The following LRRN1 variants were observed in gnomAD, a reference collection of about 807,000 sequenced individuals.
LRRN1 encodes the protein leucine-rich repeat neuronal protein 1.
LRRN1 carries 14 observed loss-of-function variants against 45.8 expected under a neutral mutation model. The observed-to-expected ratio is 0.31, with a 90% CI of 0.20 to 0.48. The LOEUF is 0.48. LRRN1 is among the 20% of genes least tolerant of loss of function. The probability of loss-of-function intolerance (pLI) is 0.99; values close to 1 mark genes in which losing one functional copy is unlikely to be tolerated. For missense variants in LRRN1, 789 were observed against 874.2 expected, an observed-to-expected ratio of 0.90 and a Z score of 1.23; for synonymous variants, 359 against 330.1, an observed-to-expected ratio of 1.09 and a Z score of -0.95.
rs1693815479 is a variant in LRRN1, at chr3:3,848,143, A to G, written c.*1351A>G. 6.6e-6 allele frequency among the ~76,000 whole-genome samples: 1 copy of G among 152,244 alleles called. No homozygotes were observed. Among genetic ancestry groups the G allele is most frequent in the African/African-American group, 2.4e-5 (1 of 41,466 alleles). On this transcript the variant is annotated 3_prime_UTR_variant, in exon 2 of 2. Coordinates refer to ENST00000319331, the MANE Select transcript of LRRN1 (RefSeq NM_020873.7). ...TTATTTCTTTTTAACAGTTGTCTAT[A>G]TGCTTAGACCCGTGTTAGTCTCTAT...
At chr3:3,837,910 T>C (rs1693558694) in intron 1 of LRRN1, among the ~76,000 whole-genome samples, 1 of 152,034 alleles carries the variant, frequency 6.6e-6, no homozygotes, top group South Asian at 2.1e-4. Context: ...ACAAGCCCTG[T>C]GTGTGTCGTT....
intron 1 of LRRN1, among the ~76,000 whole-genome samples, chr3:3,811,349 G>T (rs1692868341): frequency 6.6e-6 from 1 of 152,076 alleles, no homozygotes; most frequent in Non-Finnish European, 1.5e-5. Context: ...TTTACATCCT[G>T]TAGTACCACC....
At chr3:3,838,663 A>G (rs867370111) in intron 1 of LRRN1, among the ~76,000 whole-genome samples, 1 of 152,248 alleles carries the variant, frequency 6.6e-6, no homozygotes, top group Middle Eastern at 3.4e-3. Context: ...AAGGGTTACA[A>G]TTTCTCTACA....
At chr3:3,830,765 G>T (rs1323974967) in intron 1 of LRRN1, among the ~76,000 whole-genome samples, 1 of 152,188 alleles carries the variant, frequency 6.6e-6, no homozygotes, top group Non-Finnish European at 1.5e-5. Context: ...ATGCTGCTGT[G>T]CATGACCCAC....
At chr3:3,828,402 G>C (rs535134610) in intron 1 of LRRN1, among the ~76,000 whole-genome samples, 2 of 150,414 alleles carry the variant, frequency 1.3e-5, no homozygotes, top group African/African-American at 4.9e-5. Context: ...CTTTTTTTTT[G>C]CTGGAAGGTG....
intron 1 of LRRN1, among the ~76,000 whole-genome samples, chr3:3,834,539 TATATA>T (rs1559302737): frequency 8.8e-6 from 1 of 113,194 alleles, no homozygotes; most frequent in African/African-American, 3.3e-5. Context: ...TATATATATA[TATATA>T]TATATATATG....
chr3:3,812,076 A>G (rs1692885746), intron 1 of LRRN1, among the ~76,000 whole-genome samples: 1 of 152,236 alleles, frequency 6.6e-6, no homozygotes, highest in Admixed American at 6.5e-5. Context: ...TTAGAACATG[A>G]CAGTCATTCA....
At position 3,827,354 on chromosome 3, in the gene LRRN1, A is replaced by G. The variant is rs530791877; in HGVS notation, c.-278-17010A>G. ...CTGAAAGCCCTTGTTAAGTATCACAATCAGCACTGGGGCCTGTAGCTGAAG... is the reference window on the plus strand; with the variant it reads ...CTGAAAGCCCTTGTTAAGTATCACAGTCAGCACTGGGGCCTGTAGCTGAAG... On this transcript the variant is annotated intron_variant, in intron 1 of 1. Transcript: ENST00000319331. 1.7e-5 allele frequency: 7 copies of G among 422,402 alleles called. No individual in the cohort carries two copies. The East Asian group carries it at 2.2e-4, about 13-fold the overall frequency. The allele number at this position is 422,402 out of a possible 1,614,324, so 26.2% of individuals were successfully genotyped here.
chr3:3,803,901 C>T (rs1001535427), intron 1 of LRRN1, among the ~76,000 whole-genome samples: 1 of 152,118 alleles, frequency 6.6e-6, no homozygotes, highest in Non-Finnish European at 1.5e-5. Flanking sequence ...TGTAGCCTCC[C>T]GAGTTCTGAA....
intron 1 of LRRN1, among the ~76,000 whole-genome samples, chr3:3,830,368 T>A (rs1242099049): frequency 6.6e-6 from 1 of 152,238 alleles, no homozygotes; most frequent in Non-Finnish European, 1.5e-5. Context: ...AATCGGTATA[T>A]ACTCACACAT....
intron 1 of LRRN1, among the ~76,000 whole-genome samples, chr3:3,836,038 T>C (rs1484610017): frequency 6.6e-6 from 1 of 152,192 alleles, no homozygotes; most frequent in Non-Finnish European, 1.5e-5. Context: ...GACATTTTCT[T>C]CTTACATTTG....
intron 1 of LRRN1, chr3:3,827,246 G>C (rs1031212965): frequency 3.1e-5 from 7 of 228,084 alleles, no homozygotes; most frequent in Admixed American, 9.8e-5. Flanking sequence ...ACTTACCCAA[G>C]GTCACAGAGC....
chr3:3,834,923 C>G (rs1462540303), intron 1 of LRRN1, among the ~76,000 whole-genome samples: 1 of 152,124 alleles, frequency 6.6e-6, no homozygotes, highest in African/African-American at 2.4e-5. Context: ...CTTTTGGCAA[C>G]ACCCTCACAG....
chr3:3,846,641 A>G lies in LRRN1; in HGVS notation c.2000A>G (p.Lys667Arg), dbSNP rs765894405. Residue 667 changes from lysine to arginine, a missense_variant, in exon 2 of 2, where the codon AAG (lysine) becomes AGG (arginine). Coordinates refer to ENST00000319331, the MANE Select transcript of LRRN1 (RefSeq NM_020873.7). This position sits in a 1 kb window ranked among gnomAD's most constrained non-coding sequence, Gnocchi z 5.7. Reference sequence around the variant, plus strand: ...AAAAACTACCACCACTCATTAAAAAAGTATATGCAAAAAACCTCTTCAATC... The same window carrying G: ...AAAAACTACCACCACTCATTAAAAAGGTATATGCAAAAAACCTCTTCAATC... The part of the protein sequence containing the change: ...KRKNYHHSLK[K>R]YMQKTSSIPL... 3.7e-6 allele frequency: 6 copies of G among 1,614,086 alleles called. No individual in the cohort carries two copies. Among genetic ancestry groups the G allele is most frequent in the Non-Finnish European group, 5.1e-6 (6 of 1,180,002 alleles).
chr3:3,828,187 TTATA>T lies in LRRN1; in HGVS notation c.-278-16170_-278-16167del, dbSNP rs200029353. Among the ~76,000 whole-genome samples the T allele has an allele frequency of 6.1e-3, 915 of 150,654 alleles. 6 individuals carry two copies. The highest frequency in any genetic ancestry group is 0.021 in the African/African-American group (869 of 41,050). Reference sequence around the variant, plus strand: ...TATCTCCCATTAGTGTATGTGACTATTATATATATAAAGGGGAGTTTATTAAACC... The same window carrying T: ...TATCTCCCATTAGTGTATGTGACTATTATATAAAGGGGAGTTTATTAAACC... On this transcript the variant is annotated intron_variant, in intron 1 of 1. Coordinates refer to ENST00000319331, the MANE Select transcript of LRRN1 (RefSeq NM_020873.7).
At chr3:3,819,810 C>A (rs925243044) in intron 1 of LRRN1, among the ~76,000 whole-genome samples, 1 of 152,154 alleles carries the variant, frequency 6.6e-6, no homozygotes, top group Non-Finnish European at 1.5e-5. Flanking sequence ...CATTTTGACC[C>A]AGATCATGGG....
intron 1 of LRRN1, among the ~76,000 whole-genome samples, chr3:3,812,495 GAATAA>G (rs1692896981): frequency 6.6e-6 from 1 of 152,178 alleles, no homozygotes; most frequent in Non-Finnish European, 1.5e-5. Flanking sequence ...GCTTAGAATA[GAATAA>G]AAGGGTACTT....
At chr3:3,838,000 C>A (rs1463026581) in intron 1 of LRRN1, among the ~76,000 whole-genome samples, 2 of 152,080 alleles carry the variant, frequency 1.3e-5, no homozygotes, top group South Asian at 2.1e-4. Context: ...GTTTTCTGTT[C>A]CTGCGTTAGT....
In LRRN1 at chr3:3,800,237, G is replaced by C. The variant is rs945471022; in HGVS notation, c.-279+318G>C. Among the ~76,000 whole-genome samples, 6 of 152,040 alleles carry C rather than the reference G, an allele frequency of 3.9e-5. 1 individual carries two copies. The highest frequency in any genetic ancestry group is 1.4e-4 in the African/African-American group (6 of 41,410). On this transcript the variant is annotated intron_variant, in intron 1 of 1. Coordinates refer to ENST00000319331, the MANE Select transcript of LRRN1 (RefSeq NM_020873.7). ...GCAGTGACCGGAGCCGAGCCTGCTGGATTTCAGGGGCCGACCAGGGGAGGG... is the reference window on the plus strand; with the variant it reads ...GCAGTGACCGGAGCCGAGCCTGCTGCATTTCAGGGGCCGACCAGGGGAGGG...
Sources: allele counts gnomAD v4.1 joint callset (sites outside exome capture counted in the v4.1 genomes callset), GRCh38; gene constraint gnomAD v4.1.1; non-coding constraint Gnocchi (gnomAD v3.1); transcripts MANE v1.5; gene names NCBI Gene and HGNC (gene_info 2026-07-23, HGNC 2026-07-21).